ABTB2: variants seen among roughly 807,000 people sequenced by gnomAD.
ABTB2 encodes the protein ankyrin repeat and BTB/POZ domain-containing protein 2.
A neutral mutation model predicts 104.1 loss-of-function variants in ABTB2; 56 were observed. That is an observed-to-expected ratio of 0.54 (90% CI 0.43 to 0.67). The LOEUF (loss-of-function observed/expected upper bound fraction) is 0.67, where lower values mean the gene tolerates loss of function less well. Ranked by LOEUF, ABTB2 falls within the 30% of genes least tolerant of loss-of-function variation. ABTB2 has a pLI of 0.00. For missense variants in ABTB2, 1,279 were observed against 1,407.7 expected (o/e 0.91, Z 1.46); for synonymous variants, 606 against 608.2 (o/e 1.00, Z 0.05).
chr11:34,166,169 A>G (rs1852797664), intron 7 of ABTB2, among the ~76,000 whole-genome samples: 2 of 152,214 alleles, frequency 1.3e-5, no homozygotes, highest in Admixed American at 1.3e-4. Flanking sequence ...CCTGAAGACC[A>G]AAGCTTCCTC....
chr11:34,190,400 C>T (rs1853160309), intron 3 of ABTB2, among the ~76,000 whole-genome samples: 1 of 152,168 alleles, frequency 6.6e-6, no homozygotes, highest in Non-Finnish European at 1.5e-5. Flanking sequence ...ACCTCATGCA[C>T]CATCATGCAC....
At chr11:34,195,075 C>CGGGGGGGGGGGGGGG (rs1461939590) in intron 3 of ABTB2, among the ~76,000 whole-genome samples, 3 of 18,066 alleles carry the variant, frequency 1.7e-4, no homozygotes, top group Non-Finnish European at 6.0e-4. Flanking sequence ...AGATGCCCGG[C>CGGGGGGGGGGGGGGG]GGGGGGGGGG....
intron 8 of ABTB2, 67 bp from the exon 9 acceptor site, chr11:34,164,888 GGGAA>G (rs1852777266): frequency 1.3e-6 from 2 of 1,544,734 alleles, no homozygotes; most frequent in African/African-American, 1.4e-5. Flanking sequence ...TGAGGCGAAA[GGGAA>G]GGGAGAGCAG....
chr11:34,345,755 C>T (rs148163597), intron 1 of ABTB2, among the ~76,000 whole-genome samples: 44 of 152,308 alleles, frequency 2.9e-4, no homozygotes, highest in Admixed American at 1.8e-3. Context: ...AGAACAGCTG[C>T]AAGCAACTTG....
At chr11:34,303,889 C>T (rs920769020) in intron 1 of ABTB2, among the ~76,000 whole-genome samples, 6 of 152,132 alleles carry the variant, frequency 3.9e-5, no homozygotes, top group Admixed American at 6.6e-5. Context: ...GTAATCCACC[C>T]GTCTCGGCCT....
intron 3 of ABTB2, among the ~76,000 whole-genome samples, chr11:34,174,167 T>C (rs1852927980): frequency 6.6e-6 from 1 of 151,186 alleles, no homozygotes; most frequent in African/African-American, 2.4e-5. Context: ...TGTTAAAAAA[T>C]ACAAAAAATA....
At chr11:34,214,251 AC>A (rs1279462323) in intron 1 of ABTB2, among the ~76,000 whole-genome samples, 1 of 152,066 alleles carries the variant, frequency 6.6e-6, no homozygotes, top group Non-Finnish European at 1.5e-5. Context: ...CTTCTTCTCA[AC>A]AGCCACTAAA....
chr11:34,300,877 T>A (rs895687990), intron 1 of ABTB2, among the ~76,000 whole-genome samples: 11 of 152,160 alleles, frequency 7.2e-5, no homozygotes, highest in Non-Finnish European at 1.3e-4. Context: ...TGAAAGTGAA[T>A]CATAAACTAC....
intron 1 of ABTB2, among the ~76,000 whole-genome samples, chr11:34,209,899 G>A (rs1853460636): frequency 6.6e-6 from 1 of 150,808 alleles, no homozygotes; most frequent in African/African-American, 2.4e-5. Context: ...TAGGGTCAAT[G>A]GTAGGGGTAT....
intron 3 of ABTB2, among the ~76,000 whole-genome samples, chr11:34,181,533 G>A (rs575588097): frequency 5.3e-5 from 8 of 152,278 alleles, no homozygotes; most frequent in East Asian, 3.9e-4. Flanking sequence ...GAGGCCAGCC[G>A]GTTTGTGCCC....
chr11:34,289,768 C>A (rs1032628375), intron 1 of ABTB2, among the ~76,000 whole-genome samples: 2 of 152,122 alleles, frequency 1.3e-5, no homozygotes, highest in African/African-American at 2.4e-5. Context: ...CAGCACAAGA[C>A]CCTCAGACCA....
At chr11:34,286,390 T>G (rs1383517785) in intron 1 of ABTB2, among the ~76,000 whole-genome samples, 2 of 152,086 alleles carry the variant, frequency 1.3e-5, no homozygotes, top group African/African-American at 4.8e-5. Context: ...CCTCCCCAGT[T>G]CAAGCGATTC....
intron 1 of ABTB2, among the ~76,000 whole-genome samples, chr11:34,235,266 C>T (rs1853826879): frequency 6.6e-6 from 1 of 152,132 alleles, no homozygotes; most frequent in Non-Finnish European, 1.5e-5. Context: ...AAATGTCAGC[C>T]ACATAGATGC....
At chr11:34,225,612 C>T (rs1012512861) in intron 1 of ABTB2, among the ~76,000 whole-genome samples, 4 of 151,742 alleles carry the variant, frequency 2.6e-5, no homozygotes, top group East Asian at 1.9e-4. Context: ...AAAATTAGCC[C>T]GGTGTGGTGG....
chr11:34,175,702 C>T (rs1052571044), intron 3 of ABTB2, among the ~76,000 whole-genome samples: 1 of 152,150 alleles, frequency 6.6e-6, no homozygotes, highest in South Asian at 2.1e-4. Flanking sequence ...CTGAGCATAC[C>T]AATCTGTATG....
In ABTB2 at chr11:34,279,531, T is replaced by A. The variant is rs969316086; in HGVS notation, c.884-74841A>T. Among the ~76,000 whole-genome samples the A allele has an allele frequency of 8.5e-5, 13 of 152,242 alleles. No homozygotes were observed. In the South Asian group the frequency reaches 2.7e-3, roughly 32 times the overall value. ...TTAGGGGCAAAGCCAGAATCTGAAC[T>A]CAGATCTATTTGGCGTCATAGCCTG... is the stretch of plus-strand genomic sequence containing the variant. On this transcript the variant is annotated intron_variant, in intron 1 of 16. Transcript: ENST00000435224.
intron 1 of ABTB2, among the ~76,000 whole-genome samples, chr11:34,329,433 C>G (rs915402680): frequency 6.6e-6 from 1 of 152,236 alleles, no homozygotes; most frequent in Admixed American, 6.5e-5. Context: ...TCTTCCTCTT[C>G]TATCCACAGC....
At chr11:34,323,447 C>T (rs1361069974) in intron 1 of ABTB2, among the ~76,000 whole-genome samples, 2 of 152,162 alleles carry the variant, frequency 1.3e-5, no homozygotes, top group Non-Finnish European at 2.9e-5. Flanking sequence ...GGCATGGTGT[C>T]TCTGGCCTGC....
At chr11:34,256,552 G>T (rs974175313) in intron 1 of ABTB2, among the ~76,000 whole-genome samples, 1 of 152,222 alleles carries the variant, frequency 6.6e-6, no homozygotes, top group African/African-American at 2.4e-5. Flanking sequence ...CCTTCCAGTT[G>T]TAGGGGGTTT....
Sources: gnomAD v4.1 joint callset for allele counts (sites outside exome capture counted in the v4.1 genomes callset) on GRCh38, gnomAD v4.1.1 for gene constraint, MANE v1.5 for transcripts, NCBI Gene and HGNC (gene_info 2026-07-23, HGNC 2026-07-21) for gene names.